BMPR2: variants seen among roughly 807,000 people sequenced by gnomAD.
BMPR2 encodes bone morphogenetic protein receptor type 2.
BMPR2 carries 29 observed loss-of-function variants against 100.8 expected under a neutral mutation model. The ratio of observed to expected loss-of-function variants is 0.29; its 90% CI spans 0.21 to 0.39. The LOEUF (loss-of-function observed/expected upper bound fraction) is 0.39. BMPR2 is among the 10% of genes least tolerant of loss of function. The pLI is 1.00. For synonymous variants in BMPR2, 382 were observed against 442.3 expected (o/e 0.86, Z 1.71); for missense variants, 1,011 against 1,274.5 (o/e 0.79, Z 3.15).
intron 1 of BMPR2, among the ~76,000 whole-genome samples, chr2:202,420,577 C>G (rs887464242): frequency 1.9e-5 from 2 of 105,420 alleles, no homozygotes; most frequent in East Asian, 3.3e-4. Context: ...GAGACAGAGT[C>G]TTGCTGTCGT....
chr2:202,402,108 T>C (rs554980315), intron 1 of BMPR2, among the ~76,000 whole-genome samples: 3 of 152,320 alleles, frequency 2.0e-5, no homozygotes, highest in Non-Finnish European at 1.5e-5. Flanking sequence ...TTCCCTGCCA[T>C]CCAAGAGGAG....
chr2:202,565,138 T>C lies in BMPR2; in HGVS notation c.*5192T>C, dbSNP rs1688739480. ...ATTTGTAGTCTGTGTCAGGAAAGTT[T>C]TCTTCATATCTATTCTGTCTCCCTC... On this transcript the variant is annotated 3_prime_UTR_variant, in exon 13 of 13. Transcript: ENST00000374580. 6.6e-6 allele frequency: 1 copy of C among 152,200 alleles called. No individual in the cohort carries two copies. 9.4% of individuals were successfully genotyped at this position (152,200 alleles called of 1,614,324 possible). A position where few individuals can be genotyped will look rare whatever the true frequency, so the allele number is the denominator to read the frequency against.
chr2:202,453,431 T>G (rs1000736987), intron 1 of BMPR2, among the ~76,000 whole-genome samples: 1 of 152,050 alleles, frequency 6.6e-6, no homozygotes, highest in African/African-American at 2.4e-5. Flanking sequence ...AACAGGTGAA[T>G]GAATAAAGAA....
At chr2:202,537,054 G>A (rs980440903) in intron 9 of BMPR2, among the ~76,000 whole-genome samples, 2 of 151,802 alleles carry the variant, frequency 1.3e-5, no homozygotes, top group African/African-American at 4.8e-5. Flanking sequence ...ATGCCACCAC[G>A]CCCGGCTAGT....
rs372076000 is a variant in BMPR2 at position 202,509,657 on chromosome 2, C to G, written c.419-4062C>G. ...TTTTCAGGTTTTTCCAAAATCTAAC[C>G]TTTGTTACATTAAAATTTTAATATT... On this transcript the variant is annotated intron_variant, in intron 3 of 12. Transcript: ENST00000374580. Among the ~76,000 whole-genome samples, 19 of 151,738 alleles carry G rather than the reference C, an allele frequency of 1.3e-4. No homozygotes were observed. The East Asian group carries it at 3.5e-3, about 28-fold the overall frequency.
At chr2:202,533,037 A>G (rs962077390) in intron 9 of BMPR2, among the ~76,000 whole-genome samples, 1 of 152,186 alleles carries the variant, frequency 6.6e-6, no homozygotes, top group Non-Finnish European at 1.5e-5. Flanking sequence ...CTTATGCACC[A>G]TCTGAGTGTT....
chr2:202,395,084 A>G (rs775412633), intron 1 of BMPR2, among the ~76,000 whole-genome samples: 3 of 151,186 alleles, frequency 2.0e-5, no homozygotes, highest in Non-Finnish European at 4.4e-5. Flanking sequence ...GGATTTCACC[A>G]TATTGGCCAG....
intron 2 of BMPR2, among the ~76,000 whole-genome samples, chr2:202,465,500 A>G (rs576462890): frequency 2.7e-4 from 41 of 152,326 alleles, no homozygotes; most frequent in African/African-American, 9.6e-4. Context: ...TGCCCGTTCT[A>G]TGAATTTTGG....
Position 202,555,672 on chromosome 2 carries a change from C to A in BMPR2, c.2007C>A (p.Asp669Glu). The A allele has an allele frequency of 6.2e-7, 1 of 1,614,048 alleles. No individual in the cohort carries two copies. The highest frequency in any genetic ancestry group is 8.5e-7 in the Non-Finnish European group (1 of 1,180,022). Reference protein sequence around the residue: ...TEEDLETNKLDPKEVDKNLKE... With the variant: ...TEEDLETNKLEPKEVDKNLKE... The stretch of plus-strand genomic sequence containing the variant: ...AAGACTTGGAAACCAACAAGCTAGA[C>A]CCAAAAGAAGTTGATAAGAACCTCA... Residue 669 changes from aspartate to glutamate, a missense_variant, in exon 12 of 13, where the codon GAC becomes GAA. By Grantham distance (45) the Asp-to-Glu change is conservative. Transcript: ENST00000374580.
intron 3 of BMPR2, among the ~76,000 whole-genome samples, chr2:202,485,545 C>CTTTTTTCTTTTT (rs1692757161): frequency 1.6e-5 from 1 of 64,012 alleles, no homozygotes; most frequent in Non-Finnish European, 2.7e-5. Context: ...TTGCCTTTAT[C>CTTTTTTCTTTTT]TTTTTTTTTT....
chr2:202,421,970 G>A lies in BMPR2; in HGVS notation c.77-42839G>A, dbSNP rs538982861. Among the ~76,000 whole-genome samples the A allele has an allele frequency of 3.9e-5, 6 of 152,284 alleles. No individual in the cohort carries two copies. In the South Asian group the frequency reaches 1.2e-3, roughly 32 times the overall value. ...TATTGCCAGGCTGGAGTGCAGTGGT[G>A]CGATCTCGGCTCAGTGCAACCTCCG... is the stretch of plus-strand genomic sequence containing the variant. On this transcript the variant is annotated intron_variant, in intron 1 of 12. Transcript: ENST00000374580.
At chr2:202,497,001 G>A (rs575079241) in intron 3 of BMPR2, among the ~76,000 whole-genome samples, 233 of 152,344 alleles carry the variant, frequency 1.5e-3, no homozygotes, top group Non-Finnish European at 2.6e-3. Context: ...CCCCGCACTC[G>A]GAGCAGCCGG....
chr2:202,448,040 A>C (rs1691888420), intron 1 of BMPR2, among the ~76,000 whole-genome samples: 1 of 150,372 alleles, frequency 6.7e-6, no homozygotes, highest in African/African-American at 2.5e-5. Context: ...ACACCATTAG[A>C]ATATAACACC....
chr2:202,440,723 T>C (rs1366954037), intron 1 of BMPR2, among the ~76,000 whole-genome samples: 2 of 149,442 alleles, frequency 1.3e-5, no homozygotes, highest in Non-Finnish European at 2.9e-5. Flanking sequence ...GGCAGGGAGG[T>C]TGCAGTGAGC....
intron 1 of BMPR2, among the ~76,000 whole-genome samples, chr2:202,429,395 C>CTA (rs1457053524): frequency 1.3e-5 from 2 of 152,118 alleles, no homozygotes; most frequent in African/African-American, 4.8e-5. Flanking sequence ...TAACACTGAA[C>CTA]TATTTATGGT....
At chr2:202,466,127 TCTTGAAATAGATCCC>T (rs1283040506) in intron 2 of BMPR2, among the ~76,000 whole-genome samples, 1 of 152,284 alleles carries the variant, frequency 6.6e-6, no homozygotes, top group East Asian at 1.9e-4. Context: ...TGTGATTGTT[TCTTGAAATAGATCCC>T]TTGATGTAGA....
At chr2:202,384,620 T>C (rs1690389593) in intron 1 of BMPR2, among the ~76,000 whole-genome samples, 1 of 134,534 alleles carries the variant, frequency 7.4e-6, no homozygotes, top group African/African-American at 3.0e-5. Context: ...TTCGACGGAG[T>C]TTTGCTCTTG....
At chr2:202,515,079 A>G (rs567039621) in intron 5 of BMPR2, 100 bp downstream of exon 5, 1 of 1,224,784 alleles carries the variant, frequency 8.2e-7, no homozygotes, top group African/African-American at 1.5e-5. Context: ...CATTTATTTA[A>G]CCCTATTTAC....
chr2:202,440,590 C>G lies in BMPR2; in HGVS notation c.77-24219C>G, dbSNP rs917795084. On this transcript the variant is annotated intron_variant, in intron 1 of 12. Transcript: ENST00000374580. Reference sequence around the variant, plus strand: ...GGCGGCCGGGCAGAGGCTGCAATCTCGGCACTTTGGGAGGCCAAGGCAGGC... The same window carrying G: ...GGCGGCCGGGCAGAGGCTGCAATCTGGGCACTTTGGGAGGCCAAGGCAGGC... Among the ~76,000 whole-genome samples the G allele has an allele frequency of 1.0e-4, 15 of 150,724 alleles. 1 individual carries two copies. The highest frequency in any genetic ancestry group is 9.9e-4 in the Admixed American group (15 of 15,228).
Sources: allele counts gnomAD v4.1 joint callset (sites outside exome capture counted in the v4.1 genomes callset), GRCh38; gene constraint gnomAD v4.1.1; transcripts MANE v1.5; gene names NCBI Gene and HGNC (gene_info 2026-07-23, HGNC 2026-07-21).